The following NOTCH1 variants were observed in gnomAD, a reference collection of about 807,000 sequenced individuals.
NOTCH1 encodes neurogenic locus notch homolog protein 1.
In NOTCH1, 37 loss-of-function variants were observed where a neutral mutation model predicts 254.8. The ratio of observed to expected loss-of-function variants is 0.15; its 90% CI spans 0.11 to 0.19. NOTCH1 has a LOEUF of 0.19. Among genes scored for constraint, NOTCH1 ranks in the 10% least tolerant of loss-of-function variants. The pLI, the probability that NOTCH1 is intolerant of heterozygous loss-of-function variation, is 1.00. For synonymous variants in NOTCH1, 1,731 were observed against 1,618.1 expected (o/e 1.07, Z -1.68); for missense variants, 2,972 against 3,708.6 (o/e 0.80, Z 5.16).
intron 30 of NOTCH1, among the ~76,000 whole-genome samples, chr9:136,501,049 C>T (rs555582817): frequency 2.6e-5 from 4 of 152,338 alleles, no homozygotes; most frequent in Non-Finnish European, 5.9e-5. Context: ...CCAGCTTAAA[C>T]TCCTGGCGGG....
intron 2 of NOTCH1, among the ~76,000 whole-genome samples, chr9:136,541,029 G>A (rs1414850125): frequency 3.9e-5 from 6 of 152,148 alleles, no homozygotes; most frequent in African/African-American, 1.2e-4. Flanking sequence ...TCACACTGAC[G>A]GAGCTGATGA....
rs1312361285 is a variant in NOTCH1, at chr9:136,506,430, G to A, written c.4014+97C>T. On this transcript the variant is annotated intron_variant, in intron 24 of 33. Coordinates refer to ENST00000651671, the MANE Select transcript of NOTCH1 (RefSeq NM_017617.5). The surrounding 1 kb of genome is among the most constrained non-coding windows in gnomAD (Gnocchi z 4.5). ...GGGTGAGGAGGAGGATGAAGGCCGG[G>A]AGGATCACTGCCCGGTCTGCGCCCC... 1.4e-5 allele frequency: 14 copies of A among 1,002,536 alleles called. No individual in the cohort carries two copies. The highest frequency in any genetic ancestry group is 6.9e-5 in the South Asian group (5 of 72,066). 62.1% of individuals were successfully genotyped at this position (1,002,536 alleles called of 1,614,324 possible). A position where few individuals can be genotyped will look rare whatever the true frequency, so the allele number is the denominator to read the frequency against.
rs1843082052 is a variant in NOTCH1, at chr9:136,506,196, G to A, written c.4015-315C>T. On this transcript the variant is annotated intron_variant, in intron 24 of 33. Coordinates refer to ENST00000651671, the MANE Select transcript of NOTCH1 (RefSeq NM_017617.5). This position sits in a 1 kb window ranked among gnomAD's most constrained non-coding sequence, Gnocchi z 4.5. ...CTCAGCCCAAACCCACAACCACAAAGCCAAGGGCAAGCCCCAGGTACAGGA... is the reference window on the plus strand; with the variant it reads ...CTCAGCCCAAACCCACAACCACAAAACCAAGGGCAAGCCCCAGGTACAGGA... Among the ~76,000 whole-genome samples, 1 of 152,064 alleles carries A rather than the reference G, an allele frequency of 6.6e-6. No homozygotes were observed. Among genetic ancestry groups the A allele is most frequent in the Non-Finnish European group, 1.5e-5 (1 of 67,994 alleles).
At chr9:136,515,815 G>T in intron 10 of NOTCH1, 99 bp from the exon 11 acceptor site, 1 of 1,265,136 alleles carries the variant, frequency 7.9e-7, no homozygotes, top group Non-Finnish European at 1.1e-6. Flanking sequence ...CCTGAGGAGG[G>T]CTCCGAGCGT....
rs545323911 is a variant in NOTCH1, at chr9:136,506,062, G to T, written c.4015-181C>A. ...TTCTACCAACAGAGAAAGATCGGGG[G>T]TGCCAGGGGGTCGGGAGATGGAGGA... On this transcript the variant is annotated intron_variant, in intron 24 of 33. Coordinates refer to ENST00000651671, the MANE Select transcript of NOTCH1 (RefSeq NM_017617.5). The surrounding 1 kb of genome is among the most constrained non-coding windows in gnomAD (Gnocchi z 4.5). 4.4e-4 allele frequency among the ~76,000 whole-genome samples: 67 copies of T among 152,320 alleles called. No homozygotes were observed. Among genetic ancestry groups the T allele is most frequent in the Non-Finnish European group, 7.2e-4 (49 of 68,026 alleles).
chr9:136,505,085 A>G lies in NOTCH1; in HGVS notation c.4606T>C (p.Cys1536Arg), dbSNP rs2133337807. The change falls in exon 26 of 34, where the codon TGC becomes CGC. Residue 1536 changes from cysteine (C) to arginine (R), a missense_variant. Coordinates refer to ENST00000651671, the MANE Select transcript of NOTCH1 (RefSeq NM_017617.5). ...TGCCCGTCGCTGAAGTGGTCCTTGCAGTACTGGTCGTACAGGGGGCTGTGG... is the reference window on the plus strand; with the variant it reads ...TGCCCGTCGCTGAAGTGGTCCTTGCGGTACTGGTCGTACAGGGGGCTGTGG... ...GQCNPLYDQY[C>R]KDHFSDGHCD... The G allele has an allele frequency of 6.2e-7, 1 of 1,610,312 alleles. No homozygotes were observed.
chr9:136,518,465 C>T, intron 6 of NOTCH1, 126 bp downstream of exon 6: 1 of 1,120,218 alleles, frequency 8.9e-7, no homozygotes, highest in Non-Finnish European at 1.3e-6. Context: ...CACCGGCCTC[C>T]CTGACCAGAA....
chr9:136,543,095 A>G (rs56767202), intron 2 of NOTCH1: 3,626 of 156,772 alleles, frequency 0.023, 124 homozygotes, highest in African/African-American at 0.083. Flanking sequence ...CCCACACCCC[A>G]CGCCAAAACA....
At chr9:136,498,827 C>T (rs969054692) in intron 33 of NOTCH1, 72 bp downstream of exon 33, 40 of 1,555,872 alleles carry the variant, frequency 2.6e-5, no homozygotes, top group African/African-American at 9.5e-5. Flanking sequence ...CCCTGCGCCC[C>T]GTGGGTTTGG....
intron 30 of NOTCH1, among the ~76,000 whole-genome samples, chr9:136,501,439 C>CAA (rs77677481): frequency 1.9e-5 from 1 of 53,244 alleles, no homozygotes; most frequent in Non-Finnish European, 3.6e-5. Flanking sequence ...ATCTCAAAAA[C>CAA]AAAAAAAAAA....
At chr9:136,544,189 C>A in intron 1 of NOTCH1, 87 bp from the exon 2 acceptor site, 1 of 1,268,302 alleles carries the variant, frequency 7.9e-7, no homozygotes, top group South Asian at 1.3e-5. Context: ...GGGACCTGCA[C>A]CCAGCCAAGG....
At position 136,528,730 on chromosome 9, in the gene NOTCH1, C is replaced by G. The variant is rs192645686; in HGVS notation, c.141-4751G>C. Reference sequence around the variant, plus strand: ...CTCCCCAGCAGAGCCACAGGTCCAGCCCCACCTGCCCTCCTTGGGCCTCAC... The same window carrying G: ...CTCCCCAGCAGAGCCACAGGTCCAGGCCCACCTGCCCTCCTTGGGCCTCAC... On this transcript the variant is annotated intron_variant, in intron 2 of 33. Coordinates refer to ENST00000651671, the MANE Select transcript of NOTCH1 (RefSeq NM_017617.5). Among the ~76,000 whole-genome samples, 3 of 152,116 alleles carry G rather than the reference C, an allele frequency of 2.0e-5. No homozygotes were observed. The South Asian group carries it at 6.2e-4, about 31-fold the overall frequency.
chr9:136,499,423 C>A (rs747549757), intron 31 of NOTCH1, among the ~76,000 whole-genome samples, 164 bp from the exon 32 acceptor site: 7 of 152,370 alleles, frequency 4.6e-5, no homozygotes, highest in Non-Finnish European at 1.0e-4. Context: ...GGGGCTGCCC[C>A]TGAGGAGGGG....
Position 136,507,286 on chromosome 9 carries a change from T to C in NOTCH1, c.3643+19A>G. On this transcript the variant is annotated intron_variant, in intron 22 of 33. Coordinates refer to ENST00000651671, the MANE Select transcript of NOTCH1 (RefSeq NM_017617.5). The stretch of plus-strand genomic sequence containing the variant: ...GGCCATGGATGGCCAACACCAGCCC[T>C]CCGTGCAGCGGCCCTTACCCTGAGT... 1 of 1,612,764 alleles carries C rather than the reference T, an allele frequency of 6.2e-7. No individual in the cohort carries two copies. Among genetic ancestry groups the C allele is most frequent in the Non-Finnish European group, 8.5e-7 (1 of 1,179,860 alleles).
In NOTCH1 at chr9:136,498,890, C is replaced by G. The variant is rs200371378; in HGVS notation, c.6180+9G>C. 1.2e-6 allele frequency: 2 copies of G among 1,613,418 alleles called. No individual in the cohort carries two copies. On this transcript the variant is annotated intron_variant, in intron 33 of 33. Transcript: ENST00000651671. Reference sequence around the variant, plus strand: ...CACGTCTCCCCTGGCATCCCAGCCTCGCGCTCACCCTGTTGTTCTGCATAT... The same window carrying G: ...CACGTCTCCCCTGGCATCCCAGCCTGGCGCTCACCCTGTTGTTCTGCATAT...
At chr9:136,517,245 G>A (rs769384488) in intron 9 of NOTCH1, 27 bp downstream of exon 9, 20 of 1,472,876 alleles carry the variant, frequency 1.4e-5, no homozygotes, top group Non-Finnish European at 1.8e-5. Flanking sequence ...AGACGACCCG[G>A]GGGCAGGGGG....
At chr9:136,507,032 G>A (rs1027836701) in intron 22 of NOTCH1, 59 bp from the exon 23 acceptor site, 27 of 1,575,966 alleles carry the variant, frequency 1.7e-5, no homozygotes, top group East Asian at 7.1e-5. Flanking sequence ...CTGCCGTGCC[G>A]CGTGTCCGTC....
Position 136,497,498 on chromosome 9 carries a change from G to A in NOTCH1, c.6241C>T (p.Leu2081=), listed in dbSNP as rs1589053580. 6.2e-7 allele frequency: 1 copy of A among 1,611,872 alleles called. No individual in the cohort carries two copies. The highest frequency in any genetic ancestry group is 8.5e-7 in the Non-Finnish European group (1 of 1,179,694). The change falls in exon 34 of 34, where the codon CTG becomes TTG. Residue 2081 remains leucine, a synonymous_variant. Coordinates refer to ENST00000651671, the MANE Select transcript of NOTCH1 (RefSeq NM_017617.5). ...EGSYETAKVL[L]DHFANRDITD... ...ATGTCCCGGTTGGCAAAGTGGTCCA[G>A]CAGCACCTTGGCGGTCTCGTAGCTG...
rs1336550580 is a variant in NOTCH1 at position 136,545,241 on chromosome 9, G to C, written c.61+485C>G. Among the ~76,000 whole-genome samples the C allele has an allele frequency of 2.0e-5, 3 of 152,124 alleles. No individual in the cohort carries two copies. Among genetic ancestry groups the C allele is most frequent in the Non-Finnish European group, 4.4e-5 (3 of 68,012 alleles). On this transcript the variant is annotated intron_variant, in intron 1 of 33. Transcript: ENST00000651671. This position sits in a 1 kb window ranked among gnomAD's most constrained non-coding sequence, Gnocchi z 6.8. ...ACCCAGCCCGGCCGCGCGGGTCAGT[G>C]AAGGCGAACGCGGCGCCGCAGAGCC...
Sources: gnomAD v4.1 joint callset for allele counts (sites outside exome capture counted in the v4.1 genomes callset) on GRCh38, gnomAD v4.1.1 for gene constraint, Gnocchi (gnomAD v3.1) non-coding constraint, MANE v1.5 for transcripts, NCBI Gene and HGNC (gene_info 2026-07-23, HGNC 2026-07-21) for gene names.